Variants in CADM1 observed in about 807,000 individuals in gnomAD.
CADM1 encodes the protein cell adhesion molecule 1.
Under a neutral mutation model 53.1 loss-of-function variants are expected in CADM1, and 15 were observed. That is an observed-to-expected ratio of 0.28 (90% CI 0.19 to 0.44). CADM1 has a LOEUF of 0.44. CADM1 is among the 20% of genes least tolerant of loss of function. The pLI, the probability that CADM1 is intolerant of heterozygous loss-of-function variation, is 1.00. For synonymous variants in CADM1, 281 were observed against 243.0 expected (o/e 1.16, Z -1.45); for missense variants, 434 against 611.3 (o/e 0.71, Z 3.06).
rs1216372271 is a variant in CADM1 at position 115,404,327 on chromosome 11, G to GAAAAAAAAA, written c.124+99935_124+99943dup. Among the ~76,000 whole-genome samples the GAAAAAAAAA allele has an allele frequency of 3.8e-3, 22 of 5,822 alleles. 2 individuals are homozygous for GAAAAAAAAA. Among genetic ancestry groups the GAAAAAAAAA allele is most frequent in the South Asian group, 0.034 (2 of 58 alleles). The allele number at this position is 5,822 out of a possible 152,430, so 3.8% of individuals were successfully genotyped here. A position where few individuals can be genotyped will look rare whatever the true frequency, so the allele number is the denominator to read the frequency against. Reference sequence around the variant, plus strand: ...GGCGACAGAGCAAGAATCTGTCTCGGAAAAAAAAAAAAAAAAAAAATATAT... The same window carrying GAAAAAAAAA: ...GGCGACAGAGCAAGAATCTGTCTCGGAAAAAAAAAAAAAAAAAAAAAAAAAAAAATATAT... On this transcript the variant is annotated intron_variant, in intron 1 of 11. Transcript: ENST00000331581.
intron 1 of CADM1, among the ~76,000 whole-genome samples, chr11:115,460,210 A>G (rs1457630177): frequency 6.6e-6 from 1 of 152,038 alleles, no homozygotes; most frequent in African/African-American, 2.4e-5. Context: ...TAGTCTACAC[A>G]AGGGTTGAAG....
At position 115,170,489 on chromosome 11, in the gene CADM1, G is replaced by A. The variant is rs1417134222; in HGVS notation, c.*5985C>T. On this transcript the variant is annotated 3_prime_UTR_variant, in exon 12 of 12. Transcript: ENST00000331581. ...ATAAAAATGAAACAAAGTTTCCTGT[G>A]TACTGAAGAGGCTGGAAGCTGAGGT... The A allele has an allele frequency of 6.6e-6, 1 of 151,388 alleles. No homozygotes were observed. The highest frequency in any genetic ancestry group is 2.4e-5 in the African/African-American group (1 of 41,224). 9.4% of individuals were successfully genotyped at this position (151,388 alleles called of 1,614,324 possible).
At chr11:115,304,345 T>G (rs952176487) in intron 1 of CADM1, among the ~76,000 whole-genome samples, 5 of 152,042 alleles carry the variant, frequency 3.3e-5, no homozygotes, top group Admixed American at 2.6e-4. Context: ...AAATCCTACC[T>G]TATCAAGCGC....
At position 115,169,659 on chromosome 11, in the gene CADM1, A is replaced by G. The variant is rs1167822186; in HGVS notation, c.*6815T>C. 1 of 456,372 alleles carries G rather than the reference A, an allele frequency of 2.2e-6. No homozygotes were observed. The highest frequency in any genetic ancestry group is 7.0e-5 in the East Asian group (1 of 14,382). The allele number at this position is 456,372 out of a possible 1,614,324, so 28.3% of individuals were successfully genotyped here. On this transcript the variant is annotated 3_prime_UTR_variant, in exon 12 of 12. Coordinates refer to ENST00000331581, the MANE Select transcript of CADM1 (RefSeq NM_001301043.2). ...GAGGGAGAGAAAGAGAAAGAGAGAG[A>G]GATGGATAGTAATTTCGTCACTAGC...
At chr11:115,335,337 T>C (rs1166301615) in intron 1 of CADM1, among the ~76,000 whole-genome samples, 11 of 152,152 alleles carry the variant, frequency 7.2e-5, no homozygotes, top group African/African-American at 2.7e-4. Flanking sequence ...GAAAAGAATT[T>C]TGCAAATCTA....
chr11:115,257,628 C>T (rs191518022), intron 1 of CADM1, among the ~76,000 whole-genome samples: 1 of 152,248 alleles, frequency 6.6e-6, no homozygotes, highest in Admixed American at 6.5e-5. Flanking sequence ...ATCACTAATT[C>T]ACCAGTGAAT....
intron 1 of CADM1, among the ~76,000 whole-genome samples, chr11:115,258,576 T>C (rs1314525720): frequency 6.6e-6 from 1 of 152,184 alleles, no homozygotes; most frequent in African/African-American, 2.4e-5. Flanking sequence ...TTGGGCCCTA[T>C]AGCTTAGAGC....
chr11:115,173,695 T>TC lies in CADM1; in HGVS notation c.*2778_*2779insG, dbSNP rs902031210. On this transcript the variant is annotated 3_prime_UTR_variant, in exon 12 of 12. Coordinates refer to ENST00000331581, the MANE Select transcript of CADM1 (RefSeq NM_001301043.2). ...TATAGTACTTCTTTTTTTTCTTTTTTTTTTTGTAAAAATGGTATACATGAA... is the reference window on the plus strand; with the variant it reads ...TATAGTACTTCTTTTTTTTCTTTTTTCTTTTTGTAAAAATGGTATACATGAA... 3.6e-4 allele frequency: 229 copies of TC among 633,030 alleles called. 2 individuals are homozygous for TC. Among genetic ancestry groups the TC allele is most frequent in the Non-Finnish European group, 3.8e-4 (193 of 507,864 alleles). The allele number at this position is 633,030 out of a possible 1,614,324, so 39.2% of individuals were successfully genotyped here.
chr11:115,417,750 T>C (rs979416488), intron 1 of CADM1, among the ~76,000 whole-genome samples: 1 of 152,146 alleles, frequency 6.6e-6, no homozygotes, highest in African/African-American at 2.4e-5. Context: ...AATTTATAAA[T>C]TGTTTATTTC....
chr11:115,385,199 G>C (rs539636389), intron 1 of CADM1, among the ~76,000 whole-genome samples: 1 of 147,648 alleles, frequency 6.8e-6, no homozygotes, highest in South Asian at 2.2e-4. Context: ...AAAAAAAACA[G>C]ATTTTCAATT....
rs149658821 is a variant in CADM1, at chr11:115,260,113, A to G, written c.125-19693T>C. 6.9e-4 allele frequency among the ~76,000 whole-genome samples: 105 copies of G among 152,186 alleles called. 1 individual carries two copies. Among genetic ancestry groups the G allele is most frequent in the African/African-American group, 2.5e-3 (102 of 41,526 alleles). ...AATTTTTTTACTTTTAATTTTGTTT[A>G]GAGACGGGGTCTGTCTATGTTGCCC... On this transcript the variant is annotated intron_variant, in intron 1 of 11. Transcript: ENST00000331581.
At chr11:115,422,361 C>G (rs1373686365) in intron 1 of CADM1, among the ~76,000 whole-genome samples, 1 of 152,114 alleles carries the variant, frequency 6.6e-6, no homozygotes, top group African/African-American at 2.4e-5. Context: ...CTGCAGCTCT[C>G]AAACATCTGA....
Position 115,174,512 on chromosome 11 carries a change from G to A in CADM1, c.*1962C>T, listed in dbSNP as rs116847835. ...GGGAGGGGTAAATAAAATGCTGCTC[G>A]ATAATGGATTTTCTTTTACATACCA... On this transcript the variant is annotated 3_prime_UTR_variant, in exon 12 of 12. Transcript: ENST00000331581. 5.2e-3 allele frequency: 5,136 copies of A among 985,558 alleles called. 18 individuals carry two copies. Among genetic ancestry groups the A allele is most frequent in the Non-Finnish European group, 5.9e-3 (4,933 of 829,858 alleles). The allele number at this position is 985,558 out of a possible 1,614,324, so 61.1% of individuals were successfully genotyped here.
chr11:115,256,195 GA>G (rs901905328), intron 1 of CADM1, among the ~76,000 whole-genome samples: 31 of 152,172 alleles, frequency 2.0e-4, no homozygotes, highest in Admixed American at 1.4e-3. Flanking sequence ...TTGAAGGCAG[GA>G]AAAAAATAAA....
rs113236940 is a variant in CADM1 at position 115,364,568 on chromosome 11, C to A, written c.125-124148G>T. ...AAAGCACTAGGAAGAAAAAAAAAAG[C>A]CTTTTTGTTTAACTTGTTTAGCAGG... On this transcript the variant is annotated intron_variant, in intron 1 of 11. Transcript: ENST00000331581. 7.9e-3 allele frequency among the ~76,000 whole-genome samples: 1,137 copies of A among 143,954 alleles called. 7 individuals are homozygous for A. Among genetic ancestry groups the A allele is most frequent in the Middle Eastern group, 0.046 (13 of 280 alleles). 94.4% of individuals were successfully genotyped at this position (143,954 alleles called of 152,430 possible).
chr11:115,482,097 C>T (rs1235031318), intron 1 of CADM1, among the ~76,000 whole-genome samples: 1 of 152,188 alleles, frequency 6.6e-6, no homozygotes, highest in East Asian at 1.9e-4. Flanking sequence ...ATCCCCCATG[C>T]TTTTGTCTTT....
At chr11:115,397,179 T>G (rs562724408) in intron 1 of CADM1, 1 of 152,286 alleles carries the variant, frequency 6.6e-6, no homozygotes, top group African/African-American at 2.4e-5. Flanking sequence ...TGCCAAAAAC[T>G]TCTTGACTAG....
chr11:115,231,137 C>T (rs1296587756), intron 4 of CADM1, among the ~76,000 whole-genome samples: 2 of 152,182 alleles, frequency 1.3e-5, no homozygotes, highest in East Asian at 3.8e-4. Flanking sequence ...CGACAGCTAT[C>T]ACCATGAACC....
chr11:115,400,746 G>A (rs1235677480), intron 1 of CADM1, among the ~76,000 whole-genome samples: 1 of 133,134 alleles, frequency 7.5e-6, no homozygotes, highest in African/African-American at 2.9e-5. Context: ...GTAAAAAGAT[G>A]CTCCACATCA....
Sources: allele counts gnomAD v4.1 joint callset (sites outside exome capture counted in the v4.1 genomes callset), GRCh38; gene constraint gnomAD v4.1.1; transcripts MANE v1.5; gene names NCBI Gene and HGNC (gene_info 2026-07-23, HGNC 2026-07-21).